Variants in CTNNA1 observed in about 807,000 individuals in gnomAD.
CTNNA1 encodes the protein catenin alpha-1.
A neutral mutation model predicts 98.4 loss-of-function variants in CTNNA1; 37 were observed. The ratio of observed to expected loss-of-function variants is 0.38; its 90% CI spans 0.29 to 0.49. CTNNA1 has a LOEUF of 0.49. Ranked by LOEUF, CTNNA1 falls within the 20% of genes least tolerant of loss-of-function variation. The pLI, the probability that CTNNA1 is intolerant of heterozygous loss-of-function variation, is 0.95. For missense variants in CTNNA1, 761 were observed against 1,147.2 expected (o/e 0.66, Z 4.86); for synonymous variants, 404 against 413.2 (o/e 0.98, Z 0.27).
chr5:138,823,700 G>A (rs1760284909), intron 5 of CTNNA1, among the ~76,000 whole-genome samples: 1 of 152,078 alleles, frequency 6.6e-6, no homozygotes, highest in Admixed American at 6.5e-5. Flanking sequence ...GCTCACGCCT[G>A]TAATCCCAGC....
intron 9 of CTNNA1, among the ~76,000 whole-genome samples, chr5:138,888,623 CT>C (rs768679849): frequency 6.6e-6 from 1 of 152,184 alleles, no homozygotes; most frequent in Admixed American, 6.5e-5. Flanking sequence ...TCTCAGCTGA[CT>C]GCAATCTCTG....
In CTNNA1 at chr5:138,917,737, T is replaced by C. The variant is rs1314998968; in HGVS notation, c.1390-5T>C. On this transcript the variant is annotated splice_polypyrimidine_tract_variant and splice_region_variant and intron_variant, in intron 10 of 17. Transcript: ENST00000302763. ...GTAAACAGTGAAGTTTAATATCTTT[T>C]GCAGGTTATTAATGCTGCACTGGCT... 2 of 1,613,630 alleles carry C rather than the reference T, an allele frequency of 1.2e-6. No homozygotes were observed. The highest frequency in any genetic ancestry group is 1.3e-5 in the African/African-American group (1 of 75,052).
Position 138,782,062 on chromosome 5 carries a change from A to G in CTNNA1, c.105+33A>G. 3.8e-6 allele frequency: 6 copies of G among 1,592,512 alleles called. No homozygotes were observed. The South Asian group carries it at 6.8e-5, about 18-fold the overall frequency. ...TCTGAAAACACAAATACATTGTAAC[A>G]TGGTTCTATAGCACAGGCCTGGGTA... On this transcript the variant is annotated intron_variant, in intron 2 of 17. Coordinates refer to ENST00000302763, the MANE Select transcript of CTNNA1 (RefSeq NM_001903.5).
At chr5:138,802,491 T>TAAAAATTTA (rs1757683755) in intron 3 of CTNNA1, among the ~76,000 whole-genome samples, 1 of 151,572 alleles carries the variant, frequency 6.6e-6, no homozygotes, top group Non-Finnish European at 1.5e-5. Context: ...TTTTGGGGGG[T>TAAAAATTTA]CTTATTTTTT....
rs1764277189 is a variant in CTNNA1, at chr5:138,927,287, T to G, written c.1899+1880T>G. On this transcript the variant is annotated intron_variant, in intron 13 of 17. Transcript: ENST00000302763. The stretch of plus-strand genomic sequence containing the variant: ...ATTCTTTATGCTGGCCTACGAGGCC[T>G]TCTGGGACTGGAACCTGTCACTTCT... 2.0e-5 allele frequency among the ~76,000 whole-genome samples: 3 copies of G among 152,212 alleles called. No individual in the cohort carries two copies. The South Asian group carries it at 6.2e-4, about 32-fold the overall frequency.
chr5:138,879,151 A>T (rs1443171448), intron 7 of CTNNA1, among the ~76,000 whole-genome samples: 1 of 140,818 alleles, frequency 7.1e-6, no homozygotes, highest in Non-Finnish European at 1.5e-5. Flanking sequence ...AGCCTGGGTG[A>T]CAGAGTGAGA....
At chr5:138,931,672 C>T (rs541653926) in intron 16 of CTNNA1, 2 of 985,470 alleles carry the variant, frequency 2.0e-6, no homozygotes, top group African/African-American at 1.7e-5. Context: ...ACTACTGTGG[C>T]CGCTCCCGAT....
chr5:138,885,732 C>T (rs1409292035), intron 7 of CTNNA1, among the ~76,000 whole-genome samples: 1 of 152,116 alleles, frequency 6.6e-6, no homozygotes, highest in African/African-American at 2.4e-5. Flanking sequence ...TCTGACCTAT[C>T]AGGTACATCT....
chr5:138,833,004 G>GT (rs1761423568), intron 7 of CTNNA1, among the ~76,000 whole-genome samples: 1 of 152,008 alleles, frequency 6.6e-6, no homozygotes, highest in Admixed American at 6.6e-5. Context: ...TCCTTTCTCC[G>GT]TTTTTTAAGG....
chr5:138,908,644 G>T (rs1026410547), intron 10 of CTNNA1, among the ~76,000 whole-genome samples: 1 of 152,042 alleles, frequency 6.6e-6, no homozygotes, highest in Non-Finnish European at 1.5e-5. Context: ...CAGCCTGGGC[G>T]ACAGAGTATG....
rs531904179 is a variant in CTNNA1 at position 138,859,844 on chromosome 5, G to A, written c.1063-26368G>A. ...AATCGCTTGAGCCCAGGAGGCAGAG[G>A]TTGCAGAAAGCCAAAACTGCAACTC... On this transcript the variant is annotated intron_variant, in intron 7 of 17. Transcript: ENST00000302763. Among the ~76,000 whole-genome samples, 7 of 152,300 alleles carry A rather than the reference G, an allele frequency of 4.6e-5. No individual in the cohort carries two copies. The South Asian group carries it at 1.5e-3, about 32-fold the overall frequency.
chr5:138,806,943 A>G (rs1326648554), intron 3 of CTNNA1, among the ~76,000 whole-genome samples: 2 of 150,874 alleles, frequency 1.3e-5, no homozygotes, highest in Non-Finnish European at 2.9e-5. Flanking sequence ...GGCTAATACC[A>G]CTTACTCTCT....
intron 10 of CTNNA1, among the ~76,000 whole-genome samples, chr5:138,910,226 C>CTTTTTT (rs70982740): frequency 2.8e-4 from 15 of 53,266 alleles, no homozygotes; most frequent in Admixed American, 5.9e-4. Context: ...TCCTACTTTT[C>CTTTTTT]TTTTTTTTTT....
intron 7 of CTNNA1, among the ~76,000 whole-genome samples, chr5:138,836,378 T>C (rs1761773306): frequency 6.6e-6 from 1 of 152,222 alleles, no homozygotes; most frequent in Admixed American, 6.5e-5. Flanking sequence ...TGAAAACACT[T>C]TGTCAAAAAT....
chr5:138,880,720 G>T (rs979388026), intron 7 of CTNNA1: 1 of 253,236 alleles, frequency 3.9e-6, no homozygotes, highest in African/African-American at 2.2e-5. Context: ...GTTTGCACAG[G>T]ATAGAATTAA....
At chr5:138,924,372 C>G (rs922444085) in intron 11 of CTNNA1, 138 bp from the exon 12 acceptor site, 3 of 697,122 alleles carry the variant, frequency 4.3e-6, no homozygotes, top group African/African-American at 1.8e-5. Flanking sequence ...AGTCACTGGT[C>G]TCTCCAATGA....
intron 3 of CTNNA1, among the ~76,000 whole-genome samples, chr5:138,790,607 T>G (rs775668690): frequency 6.6e-6 from 1 of 152,230 alleles, no homozygotes; most frequent in Non-Finnish European, 1.5e-5. Context: ...TTTCAAAAAT[T>G]GAGACATGGC....
intron 1 of CTNNA1, among the ~76,000 whole-genome samples, chr5:138,779,864 T>A (rs916702441): frequency 1.3e-5 from 2 of 151,870 alleles, no homozygotes; most frequent in Admixed American, 6.6e-5. Context: ...TACGGGCGTG[T>A]ACCACCACAC....
intron 6 of CTNNA1, among the ~76,000 whole-genome samples, chr5:138,826,947 A>G (rs983445060): frequency 2.6e-5 from 4 of 152,218 alleles, no homozygotes; most frequent in South Asian, 4.2e-4. Context: ...ACCATGCCCA[A>G]CTTATTTTAT....
Sources: gnomAD v4.1 joint callset for allele counts (sites outside exome capture counted in the v4.1 genomes callset) on GRCh38, gnomAD v4.1.1 for gene constraint, MANE v1.5 for transcripts, NCBI Gene and HGNC (gene_info 2026-07-23, HGNC 2026-07-21) for gene names.